The following CCDC40 variants were observed in gnomAD, a reference collection of about 807,000 sequenced individuals.
CCDC40 encodes coiled-coil domain 40 molecular ruler complex subunit, also known as coiled-coil domain-containing protein 40.
Under a neutral mutation model 124.5 loss-of-function variants are expected in CCDC40, and 104 were observed. The observed-to-expected ratio is 0.84, with a 90% CI of 0.71 to 0.98. The LOEUF is 0.98. Among genes scored for constraint, CCDC40 ranks in the 50% least tolerant of loss-of-function variants. CCDC40 has a pLI of 0.00. For synonymous variants in CCDC40, 580 were observed against 602.9 expected, an observed-to-expected ratio of 0.96 and a Z score of 0.56; for missense variants, 1,463 against 1,503.9, an observed-to-expected ratio of 0.97 and a Z score of 0.45.
intron 17 of CCDC40, chr17:80,090,131 A>T (rs1255138375): frequency 2.0e-5 from 31 of 1,536,048 alleles, no homozygotes; most frequent in Non-Finnish European, 2.7e-5. Context: ...CTTGCTTTTA[A>T]TGTGCAGAAA....
At chr17:80,046,266 C>T (rs964173779) in intron 3 of CCDC40, among the ~76,000 whole-genome samples, 7 of 152,182 alleles carry the variant, frequency 4.6e-5, no homozygotes, top group African/African-American at 1.7e-4. Flanking sequence ...TCCCCCAGCT[C>T]ACACCTGTAA....
At chr17:80,075,661 T>G (rs1403304575) in intron 10 of CCDC40, among the ~76,000 whole-genome samples, 1 of 152,026 alleles carries the variant, frequency 6.6e-6, no homozygotes, top group African/African-American at 2.4e-5. Context: ...GTATTTTTAG[T>G]AGAGACGGGT....
chr17:80,053,168 G>A (rs547336703), intron 7 of CCDC40, among the ~76,000 whole-genome samples: 4 of 152,200 alleles, frequency 2.6e-5, no homozygotes, highest in Admixed American at 6.5e-5. Context: ...CAGGAAAGAC[G>A]AATCTGCAGA....
chr17:80,100,207 A>G lies in CCDC40; in HGVS notation c.*432A>G. On this transcript the variant is annotated 3_prime_UTR_variant, in exon 20 of 20. Transcript: ENST00000397545. The stretch of plus-strand genomic sequence containing the variant: ...CCTGGCCCGGGAGGCTGGTCCCCCC[A>G]GCACTTCCCTCTACTAGGTGCATCT... 3.7e-6 allele frequency: 1 copy of G among 270,536 alleles called. No individual in the cohort carries two copies. The highest frequency in any genetic ancestry group is 7.3e-6 in the Non-Finnish European group (1 of 137,184). The allele number at this position is 270,536 out of a possible 1,614,324, so 16.8% of individuals were successfully genotyped here. A position where few individuals can be genotyped will look rare whatever the true frequency, so the allele number is the denominator to read the frequency against.
At chr17:80,077,482 C>G (rs1345945136) in intron 10 of CCDC40, among the ~76,000 whole-genome samples, 1 of 152,194 alleles carries the variant, frequency 6.6e-6, no homozygotes, top group Non-Finnish European at 1.5e-5. Flanking sequence ...GAGATTGCGC[C>G]ATTGCACTCC....
intron 9 of CCDC40, 108 bp from the exon 10 acceptor site, chr17:80,065,377 A>G: frequency 2.8e-6 from 4 of 1,442,414 alleles, no homozygotes. Flanking sequence ...AGTACCGGTG[A>G]TAGAAGGAAA....
At chr17:80,091,332 CACACACACACAG>C (rs2143767589) in intron 17 of CCDC40, among the ~76,000 whole-genome samples, 1 of 43,304 alleles carries the variant, frequency 2.3e-5, no homozygotes, top group Non-Finnish European at 5.5e-5. Context: ...CACACACACA[CACACACACACAG>C]AGAGAGAGAG....
In CCDC40 at chr17:80,060,774, G is replaced by A. The variant is rs949296120; in HGVS notation, c.1440+1794G>A. Among the ~76,000 whole-genome samples, 4 of 152,254 alleles carry A rather than the reference G, an allele frequency of 2.6e-5. No homozygotes were observed. In the East Asian group the frequency reaches 7.7e-4, roughly 29 times the overall value. On this transcript the variant is annotated intron_variant, in intron 9 of 19. Coordinates refer to ENST00000397545, the MANE Select transcript of CCDC40 (RefSeq NM_017950.4). Reference sequence around the variant, plus strand: ...GCAAGACATTGAAGCCTATGAGAGAGCCCCAAAGCAAGCCAGAGTTTATAT... The same window carrying A: ...GCAAGACATTGAAGCCTATGAGAGAACCCCAAAGCAAGCCAGAGTTTATAT...
chr17:80,090,017 A>G (rs1453421370), intron 17 of CCDC40, 133 bp downstream of exon 17: 3 of 1,539,148 alleles, frequency 1.9e-6, no homozygotes, highest in Admixed American at 2.0e-5. Flanking sequence ...GCTGGTGGCA[A>G]TGGGTGAGAT....
intron 17 of CCDC40, among the ~76,000 whole-genome samples, chr17:80,094,119 C>T (rs1049390619): frequency 3.9e-5 from 6 of 152,002 alleles, no homozygotes; most frequent in Middle Eastern, 3.4e-3. Flanking sequence ...TTATTTTAAA[C>T]GCAGAGTTTG....
chr17:80,062,432 C>G (rs532122200), intron 9 of CCDC40, among the ~76,000 whole-genome samples: 1 of 151,504 alleles, frequency 6.6e-6, no homozygotes, highest in Non-Finnish European at 1.5e-5. Flanking sequence ...TTAGGTATAT[C>G]TCCTAATGCT....
At chr17:80,072,937 G>A (rs754879644) in intron 10 of CCDC40, among the ~76,000 whole-genome samples, 14 of 151,578 alleles carry the variant, frequency 9.2e-5, no homozygotes, top group Non-Finnish European at 1.8e-4. Context: ...AAATACAGGC[G>A]CATCTCGTTT....
At position 80,036,666 on chromosome 17, in the gene CCDC40, GC is replaced by G; in HGVS notation, c.5del (p.Ala2GlyfsTer165). 1 of 1,462,826 alleles carries G rather than the reference GC, an allele frequency of 6.8e-7. No homozygotes were observed. The highest frequency in any genetic ancestry group is 9.0e-7 in the Non-Finnish European group (1 of 1,110,036). The allele number at this position is 1,462,826 out of a possible 1,614,324, so 90.6% of individuals were successfully genotyped here. On this transcript the variant is annotated frameshift_variant, in exon 1 of 20. Coordinates refer to ENST00000397545, the MANE Select transcript of CCDC40 (RefSeq NM_017950.4). LOFTEE classifies it high-confidence loss of function. Reference protein sequence around the residue: MAEPGGAAGRSH... With the variant: MXEPGGAAGRSH... ...CAGCGTCGCCTAGCAACGGGAAATG[GC>G]GGAACCGGGCGGCGCGGCGGGCCGG...
At chr17:80,045,163 G>A (rs933843491) in intron 3 of CCDC40, among the ~76,000 whole-genome samples, 28 of 152,294 alleles carry the variant, frequency 1.8e-4, no homozygotes, top group African/African-American at 5.5e-4. Flanking sequence ...AGCCGGCGCC[G>A]AACATACCTG....
rs554877559 is a variant in CCDC40, at chr17:80,095,536, C to G, written c.3021+85C>G. The G allele has an allele frequency of 1.6e-5, 21 of 1,347,698 alleles. No individual in the cohort carries two copies. In the South Asian group the frequency reaches 2.3e-4, roughly 15 times the overall value. The allele number at this position is 1,347,698 out of a possible 1,614,324, so 83.5% of individuals were successfully genotyped here. A position where few individuals can be genotyped will look rare whatever the true frequency, so the allele number is the denominator to read the frequency against. ...CTCCAGGAAGGCGTCTTGCTGGGTC[C>G]GGGGTGAGGATGCAGAGGCTGCAGT... On this transcript the variant is annotated intron_variant, in intron 18 of 19. Transcript: ENST00000397545.
In CCDC40 at chr17:80,100,131, A is replaced by G. The variant is rs2143791741; in HGVS notation, c.*356A>G. On this transcript the variant is annotated 3_prime_UTR_variant, in exon 20 of 20. Transcript: ENST00000397545. ...CACAACACAACGCTGCCACAGGTCC[A>G]CAAGCTGGTGGGCTGAGCAGAGGTG... 2.9e-6 allele frequency: 1 copy of G among 346,740 alleles called. No individual in the cohort carries two copies. Among genetic ancestry groups the G allele is most frequent in the South Asian group, 2.4e-5 (1 of 41,586 alleles). The allele number at this position is 346,740 out of a possible 1,614,324, so 21.5% of individuals were successfully genotyped here.
At chr17:80,045,301 A>G (rs368307745) in intron 3 of CCDC40, among the ~76,000 whole-genome samples, 5 of 152,216 alleles carry the variant, frequency 3.3e-5, no homozygotes, top group African/African-American at 9.6e-5. Context: ...GCTTTGTAAC[A>G]ATGTGTTGTT....
At chr17:80,054,923 C>T (rs542997051) in intron 7 of CCDC40, among the ~76,000 whole-genome samples, 1 of 151,400 alleles carries the variant, frequency 6.6e-6, no homozygotes, top group East Asian at 1.9e-4. Context: ...TGCAGTGAGC[C>T]GAGACTGTGC....
intron 17 of CCDC40, among the ~76,000 whole-genome samples, chr17:80,093,434 C>T (rs984223858): frequency 1.3e-5 from 2 of 152,032 alleles, no homozygotes; most frequent in Admixed American, 1.3e-4. Context: ...CCACCTGCCT[C>T]GGCCTCCCAA....
Sources: allele counts gnomAD v4.1 joint callset (sites outside exome capture counted in the v4.1 genomes callset), GRCh38; gene constraint gnomAD v4.1.1; transcripts MANE v1.5; gene names NCBI Gene and HGNC (gene_info 2026-07-23, HGNC 2026-07-21).